The following ARL10 variants were observed in gnomAD, a reference collection of about 807,000 sequenced individuals.
ARL10 encodes ADP-ribosylation factor-like protein 10.
A neutral mutation model predicts 26.1 loss-of-function variants in ARL10; 23 were observed. The observed-to-expected ratio is 0.88, with a 90% CI of 0.63 to 1.25. The LOEUF is 1.25. Among genes scored for constraint, ARL10 ranks in the 50% most tolerant of loss-of-function variants. The probability of loss-of-function intolerance (pLI) is 0.00; values close to 1 mark genes in which losing one functional copy is unlikely to be tolerated. For missense variants in ARL10, 300 were observed against 323.6 expected (o/e 0.93, Z 0.56); for synonymous variants, 138 against 149.1 (o/e 0.93, Z 0.54).
chr5:176,396,917 C>T (rs1299999069), intron 1 of ARL10, among the ~76,000 whole-genome samples: 4 of 151,942 alleles, frequency 2.6e-5, no homozygotes, highest in Non-Finnish European at 4.4e-5. Context: ...TTTTTTTCTT[C>T]GTACCCAGGT....
rs1755544293 is a variant in ARL10 at position 176,381,166 on chromosome 5, A to C, written c.*9271A>C. 6.6e-6 allele frequency: 1 copy of C among 152,222 alleles called. No homozygotes were observed. The highest frequency in any genetic ancestry group is 2.4e-5 in the African/African-American group (1 of 41,452). The allele number at this position is 152,222 out of a possible 1,614,324, so 9.4% of individuals were successfully genotyped here. ...TAACCTACCCAATGCCTCTAACTGGATCCATCCAGTTTATTATGGGATGCA... is the reference window on the plus strand; with the variant it reads ...TAACCTACCCAATGCCTCTAACTGGCTCCATCCAGTTTATTATGGGATGCA... On this transcript the variant is annotated 3_prime_UTR_variant, in exon 4 of 4. Coordinates refer to ENST00000310389, the MANE Select transcript of ARL10 (RefSeq NM_173664.6).
intron 1 of ARL10, chr5:176,396,528 C>A (rs752659726): frequency 7.4e-6 from 12 of 1,613,068 alleles, no homozygotes; most frequent in Non-Finnish European, 1.0e-5. Flanking sequence ...GCTTTGTCAG[C>A]GATCCTTGAG....
the ARL10 span, among the ~76,000 whole-genome samples, chr5:176,411,858 T>C: frequency 6.6e-6 from 1 of 152,152 alleles, no homozygotes; most frequent in South Asian, 2.1e-4. Flanking sequence ...ATCCCCATGC[T>C]TTCTTCCTGC....
chr5:176,389,618 G>A (rs1756178523), downstream of ARL10: 3 of 1,088,362 alleles, frequency 2.8e-6, no homozygotes, highest in Non-Finnish European at 2.6e-6. Flanking sequence ...TCGCTGGGGA[G>A]GAAGTGACCC....
chr5:176,381,901 T>C lies in ARL10; in HGVS notation c.*10006T>C, dbSNP rs1164543398. ...GGTGAACTTGAAGAATAAAGTTTCATTATGTTTACTTGAGCTGCTTTTATC... is the reference window on the plus strand; with the variant it reads ...GGTGAACTTGAAGAATAAAGTTTCACTATGTTTACTTGAGCTGCTTTTATC... On this transcript the variant is annotated 3_prime_UTR_variant, in exon 4 of 4. Coordinates refer to ENST00000310389, the MANE Select transcript of ARL10 (RefSeq NM_173664.6). The C allele has an allele frequency of 6.6e-6, 1 of 152,222 alleles. No individual in the cohort carries two copies. The highest frequency in any genetic ancestry group is 1.9e-4 in the East Asian group (1 of 5,202). The allele number at this position is 152,222 out of a possible 1,614,324, so 9.4% of individuals were successfully genotyped here.
chr5:176,385,515 C>CT (rs1362566810), downstream of ARL10, among the ~76,000 whole-genome samples: 1 of 152,212 alleles, frequency 6.6e-6, no homozygotes, highest in Non-Finnish European at 1.5e-5. Context: ...ATCCCAGACT[C>CT]TGTCTCCTAT....
At chr5:176,389,020 G>T (rs1381597286), downstream of ARL10, 2 of 1,604,930 alleles carry the variant, frequency 1.2e-6, no homozygotes, top group South Asian at 2.2e-5. Flanking sequence ...CAGTGATGTC[G>T]GAGGGAAGGA....
rs1212683378 is a variant in ARL10, at chr5:176,393,833, CAG to C, written c.134-7906_134-7905del. On this transcript the variant is annotated intron_variant, in intron 1 of 1. Coordinates refer to the ARL10 transcript ENST00000514533. The surrounding 1 kb of genome is among the most constrained non-coding windows in gnomAD (Gnocchi z 4.4). ...AAAATCTACACGTGGGACTCACTAA[CAG>C]AAAGACAATAAGGGATTCTTAGGTG... Among the ~76,000 whole-genome samples, 6 of 152,172 alleles carry C rather than the reference CAG, an allele frequency of 3.9e-5. No homozygotes were observed. Among genetic ancestry groups the C allele is most frequent in the Non-Finnish European group, 8.8e-5 (6 of 68,030 alleles).
chr5:176,366,515 A>G lies in ARL10; in HGVS notation c.319A>G (p.Ile107Val), dbSNP rs925844295. 4 of 1,614,024 alleles carry G rather than the reference A, an allele frequency of 2.5e-6. No individual in the cohort carries two copies. The South Asian group carries it at 3.3e-5, about 13-fold the overall frequency. The change falls in exon 2 of 4, where the codon ATC becomes GTC. Residue 107 changes from isoleucine to valine, a missense_variant. Ile to Val is a conservative substitution (Grantham distance 29). Coordinates refer to ENST00000310389, the MANE Select transcript of ARL10 (RefSeq NM_173664.6). ...GGGGAAGCCACCGCTGGAAGGCCAC[A>G]TCCCCACCTGGGGCTTCAACTCCGT... ...LSGKPPLEGH[I>V]PTWGFNSVRL...
At chr5:176,398,045 C>T (rs1407881682) in intron 1 of ARL10, 2 of 1,613,732 alleles carry the variant, frequency 1.2e-6, no homozygotes, top group Non-Finnish European at 1.7e-6. Flanking sequence ...GACCGTTGGC[C>T]TCCTAGAACA....
intron 1 of ARL10, among the ~76,000 whole-genome samples, chr5:176,400,205 AAAAGAAAGAAAG>A (rs202007442): frequency 6.6e-6 from 1 of 151,862 alleles, no homozygotes; most frequent in Admixed American, 6.6e-5. Context: ...CTCAAAAAAA[AAAAGAAAGAAAG>A]AAAGAAAGAA....
chr5:176,395,475 T>C (rs912834779), intron 1 of ARL10, among the ~76,000 whole-genome samples: 2 of 152,252 alleles, frequency 1.3e-5, no homozygotes, highest in Non-Finnish European at 2.9e-5. Context: ...TGGTGTGCTC[T>C]GTGCCCTGTG....
rs1251838114 is a variant in ARL10, at chr5:176,374,089, C to T, written c.*2194C>T. The T allele has an allele frequency of 6.6e-6, 1 of 152,170 alleles. No individual in the cohort carries two copies. The highest frequency in any genetic ancestry group is 2.4e-5 in the African/African-American group (1 of 41,432). 9.4% of individuals were successfully genotyped at this position (152,170 alleles called of 1,614,324 possible). On this transcript the variant is annotated 3_prime_UTR_variant, in exon 4 of 4. Transcript: ENST00000310389. ...TACCTGAACATGTTTTAGCAGCCTT[C>T]AGCCGACGATTGACTGAAGGTTTGG...
Position 176,365,562 on chromosome 5 carries a change from C to G in ARL10, c.-2C>G, listed in dbSNP as rs1768249240. The G allele has an allele frequency of 6.5e-6, 8 of 1,232,680 alleles. No individual in the cohort carries two copies. Among genetic ancestry groups the G allele is most frequent in the Non-Finnish European group, 7.1e-6 (7 of 988,098 alleles). The allele number at this position is 1,232,680 out of a possible 1,614,324, so 76.4% of individuals were successfully genotyped here. A position where few individuals can be genotyped will look rare whatever the true frequency, so the allele number is the denominator to read the frequency against. On this transcript the variant is annotated 5_prime_UTR_variant, in exon 1 of 4. Coordinates refer to ENST00000310389, the MANE Select transcript of ARL10 (RefSeq NM_173664.6). Reference sequence around the variant, plus strand: ...CCGCACCTGCGTCCCTCGCCCGGCCCGATGGCGCCGCGGCCGCTGGGCCCC... The same window carrying G: ...CCGCACCTGCGTCCCTCGCCCGGCCGGATGGCGCCGCGGCCGCTGGGCCCC...
rs1033290063 is a variant in ARL10 at position 176,371,970 on chromosome 5, C to T, written c.*75C>T. The T allele has an allele frequency of 1.9e-6, 3 of 1,539,754 alleles. No homozygotes were observed. The highest frequency in any genetic ancestry group is 2.6e-6 in the Non-Finnish European group (3 of 1,141,854). ...GCTGCTGCTTCATTGCCAGACTGGGCCTGGGGCAAGAGCCACATGGCAGCA... is the reference window on the plus strand; with the variant it reads ...GCTGCTGCTTCATTGCCAGACTGGGTCTGGGGCAAGAGCCACATGGCAGCA... On this transcript the variant is annotated 3_prime_UTR_variant, in exon 4 of 4. Transcript: ENST00000310389.
downstream of ARL10, among the ~76,000 whole-genome samples, chr5:176,390,228 T>TTCTA (rs1211444962): frequency 6.7e-6 from 1 of 150,168 alleles, no homozygotes; most frequent in Admixed American, 6.6e-5. Flanking sequence ...CTCCTTGAGA[T>TTCTA]TCTAGTTCAG....
At chr5:176,402,805 T>C (rs572884590), downstream of ARL10, among the ~76,000 whole-genome samples, 2 of 151,978 alleles carry the variant, frequency 1.3e-5, no homozygotes, top group African/African-American at 2.4e-5. Flanking sequence ...ACAGTTCAGA[T>C]AAAGAGAGTG....
chr5:176,407,367 C>T, the ARL10 span, among the ~76,000 whole-genome samples: 187 of 152,278 alleles, frequency 1.2e-3, 1 homozygote, highest in South Asian at 0.015. Flanking sequence ...GTGCAGTGTG[C>T]GATCTCAGCT....
chr5:176,367,002 C>CTTTTTTTTTT (rs67066126), intron 2 of ARL10, among the ~76,000 whole-genome samples: 10 of 106,538 alleles, frequency 9.4e-5, no homozygotes, highest in Non-Finnish European at 1.3e-4. Flanking sequence ...CCTTTCTAGT[C>CTTTTTTTTTT]TTTTTTTTTT....
Sources: allele counts gnomAD v4.1 joint callset (sites outside exome capture counted in the v4.1 genomes callset), GRCh38; gene constraint gnomAD v4.1.1; non-coding constraint Gnocchi (gnomAD v3.1); transcripts MANE v1.5; gene names NCBI Gene and HGNC (gene_info 2026-07-23, HGNC 2026-07-21).